MED12: variants seen among roughly 807,000 people sequenced by gnomAD.
The protein encoded by MED12 is mediator of RNA polymerase II transcription subunit 12.
In MED12, 10 loss-of-function variants were observed where a neutral mutation model predicts 177.7. The observed-to-expected ratio is 0.06, with a 90% CI of 0.03 to 0.10. MED12 has a LOEUF of 0.10. MED12 is among the 10% of genes least tolerant of loss of function. The pLI is 1.00. For missense variants in MED12, 867 were observed against 1,780.8 expected (o/e 0.49, Z 9.23); for synonymous variants, 641 against 678.4 (o/e 0.94, Z 0.86).
intron 19 of MED12, 149 bp from the exon 20 acceptor site, chrX:71,126,820 T>A (rs1262837681): frequency 5.4e-6 from 3 of 559,446 alleles, no homozygotes; most frequent in Non-Finnish European, 9.2e-6. Flanking sequence ...GTTGATAGAC[T>A]GTGGCATAGG....
intron 17 of MED12, 150 bp downstream of exon 17, chrX:71,125,863 C>T: frequency 1.6e-6 from 1 of 613,449 alleles, no homozygotes. Flanking sequence ...ATTCCTCCCC[C>T]ATCCCTTCCT....
intron 33 of MED12, 48 bp downstream of exon 33, chrX:71,133,260 T>A (rs368744574): frequency 2.2e-5 from 20 of 910,185 alleles, no homozygotes; most frequent in Non-Finnish European, 3.0e-5. Flanking sequence ...GGGCTGGAAA[T>A]GCGGAGTGCA....
intron 33 of MED12, among the ~76,000 whole-genome samples, 169 bp from the exon 34 acceptor site, chrX:71,134,188 G>A (rs768510599): frequency 2.8e-4 from 27 of 97,713 alleles, no homozygotes; most frequent in African/African-American, 8.9e-4. Context: ...CCGAGGTCGC[G>A]CCACTGCACT....
chrX:71,129,974 T>C (rs866584169), intron 27 of MED12, 61 bp from the exon 28 acceptor site: 4 of 1,168,359 alleles, frequency 3.4e-6, no homozygotes, highest in Non-Finnish European at 4.6e-6. Context: ...CTCCAGCCCA[T>C]CCCCCATATT....
intron 19 of MED12, among the ~76,000 whole-genome samples, 179 bp downstream of exon 19, chrX:71,126,663 G>A (rs1019437690): frequency 1.8e-5 from 2 of 112,171 alleles, no homozygotes; most frequent in African/African-American, 6.5e-5. Flanking sequence ...AGACTTAAGT[G>A]CTCCCTGGGG....
At chrX:71,127,644 T>C (rs2092306596) in intron 21 of MED12, 177 bp downstream of exon 21, 1 of 492,696 alleles carries the variant, frequency 2.0e-6, no homozygotes, top group African/African-American at 2.4e-5. Flanking sequence ...CTCAGCAGGC[T>C]TGCTCCCCGC....
chrX:71,132,561 C>T (rs1026205005), intron 31 of MED12, 23 bp downstream of exon 31: 1 of 1,164,736 alleles, frequency 8.6e-7, no homozygotes, highest in African/African-American at 1.8e-5. Flanking sequence ...AGGGAGTGGA[C>T]CAAGATTGAG....
chrX:71,140,814 A>G lies in MED12; in HGVS notation c.6224A>G (p.Gln2075Arg), dbSNP rs1304965332. 1 of 1,208,896 alleles carries G rather than the reference A, an allele frequency of 8.3e-7. No homozygotes were observed. The highest frequency in any genetic ancestry group is 1.8e-5 in the South Asian group (1 of 56,877). The change falls in exon 42 of 45, where the codon CAG (glutamine) becomes CGG (arginine). Residue 2075 changes from glutamine (Q) to arginine (R), a missense_variant. By Grantham distance (43) the Gln-to-Arg change is conservative. Transcript: ENST00000374080. Reference protein sequence around the residue: ...QQQQQQQQQQQQYHIRQQQQQ... With the variant: ...QQQQQQQQQQRQYHIRQQQQQ... ...CAACAGCAACAGCAGCAGCAGCAGCAGCAGTACCACATCCGGCAGCAGCAG... is the reference window on the plus strand; with the variant it reads ...CAACAGCAACAGCAGCAGCAGCAGCGGCAGTACCACATCCGGCAGCAGCAG...
intron 43 of MED12, 81 bp from the exon 44 acceptor site, chrX:71,141,801 CA>C (rs371432455): frequency 3.9e-3 from 3,008 of 774,594 alleles, no homozygotes; most frequent in East Asian, 4.9e-3. Context: ...GACTCCATCT[CA>C]AAAAAAAAAA....
Position 71,129,383 on chromosome X carries a change from C to A in MED12, c.3645C>A (p.Ile1215=). The A allele has an allele frequency of 2.5e-6, 3 of 1,209,736 alleles. No individual in the cohort carries two copies. Among genetic ancestry groups the A allele is most frequent in the Non-Finnish European group, 3.4e-6 (3 of 893,723 alleles). ...RHLLAASQNR[I]VDGAVFAVLK... is the part of the protein sequence containing the mutation. ...TGCTGGCTGCCTCCCAGAACCGCAT[C>A]GTGGATGGAGCCGTGTTTGCTGTTC... is the stretch of plus-strand genomic sequence containing the variant. Residue 1215 remains isoleucine (I), a synonymous_variant, in exon 26 of 45, where the codon ATC becomes ATA. Coordinates refer to ENST00000374080, the MANE Select transcript of MED12 (RefSeq NM_005120.3).
rs779802833 is a variant in MED12, at chrX:71,125,251, G to A, written c.2227-100G>A. 8.4e-6 allele frequency: 10 copies of A among 1,194,980 alleles called. No individual in the cohort carries two copies. In the East Asian group the frequency reaches 3.0e-4, roughly 36 times the overall value. The stretch of plus-strand genomic sequence containing the variant: ...GTTCTGAGGATGTGGGTTGGGAAAG[G>A]GAAGGGCTTTAGCATGTGGATGCTG... On this transcript the variant is annotated intron_variant, in intron 15 of 44. Coordinates refer to ENST00000374080, the MANE Select transcript of MED12 (RefSeq NM_005120.3).
chrX:71,125,056 C>T lies in MED12; in HGVS notation c.2136C>T (p.Pro712=), dbSNP rs377207665. The change falls in exon 15 of 45, where the codon CCC becomes CCT. Residue 712 remains proline, a synonymous_variant. Coordinates refer to ENST00000374080, the MANE Select transcript of MED12 (RefSeq NM_005120.3). ...EKPDVEKEVK[P]PPKEKIEGTL... ...CAGATGTCGAGAAGGAGGTGAAGCC[C>T]CCACCCAAGGAGAAGATTGAAGGGA... is the stretch of plus-strand genomic sequence containing the variant. The T allele has an allele frequency of 2.2e-5, 26 of 1,208,512 alleles. No homozygotes were observed. Among genetic ancestry groups the T allele is most frequent in the Admixed American group, 1.1e-4 (5 of 45,544 alleles).
At position 71,136,664 on chromosome X, in the gene MED12, C is replaced by T. The variant is rs774394462; in HGVS notation, c.5400+9C>T. 3.3e-6 allele frequency: 4 copies of T among 1,205,046 alleles called. No homozygotes were observed. The Admixed American group carries it at 8.8e-5, about 26-fold the overall frequency. ...CAGCTACCAAGACAGAGGTGAGCGC[C>T]TCCCCCGTGACAGTTCTCCCACAGC... On this transcript the variant is annotated intron_variant, in intron 37 of 44. Transcript: ENST00000374080.
intron 20 of MED12, 68 bp downstream of exon 20, chrX:71,127,200 G>A: frequency 8.7e-7 from 1 of 1,153,799 alleles, no homozygotes; most frequent in South Asian, 1.9e-5. Flanking sequence ...CCTGGGAAGA[G>A]CATGCACTTC....
chrX:71,136,221 G>A, intron 36 of MED12, 60 bp from the exon 37 acceptor site: 1 of 1,187,962 alleles, frequency 8.4e-7, no homozygotes, highest in Non-Finnish European at 1.1e-6. Flanking sequence ...TCCTACAAAT[G>A]CTTGCAGTCT....
At chrX:71,139,990 G>A (rs1308734929) in intron 41 of MED12, among the ~76,000 whole-genome samples, 1 of 111,144 alleles carries the variant, frequency 9.0e-6, no homozygotes, top group Non-Finnish European at 1.9e-5. Context: ...ATGTTATTTG[G>A]GAACAACAAC....
At position 71,136,488 on chromosome X, in the gene MED12, C is replaced by T. The variant is rs2092332834; in HGVS notation, c.5233C>T (p.Pro1745Ser). The T allele has an allele frequency of 8.3e-7, 1 of 1,205,199 alleles. No individual in the cohort carries two copies. The highest frequency in any genetic ancestry group is 1.1e-6 in the Non-Finnish European group (1 of 893,192). ...CTATTACCTGGAGCCACTGCCACTG[C>T]CCCCAGAAGATGAGGAGCCGCCTGC... ...RAYYLEPLPL[P>S]PEDEEPPAPT... Residue 1745 changes from proline to serine, a missense_variant, in exon 37 of 45, where the codon CCC becomes TCC. Physicochemically the swap from Pro to Ser is moderately conservative, Grantham distance 74. Around this residue, in one of 14 missense-constraint regions of MED12, gnomAD observed 36 missense variants for 141.5 expected, o/e 0.25. Transcript: ENST00000374080.
chrX:71,129,594 G>C, intron 26 of MED12, 86 bp from the exon 27 acceptor site: 2 of 1,115,034 alleles, frequency 1.8e-6, no homozygotes, highest in South Asian at 3.9e-5. Flanking sequence ...GATTTGGGGT[G>C]TTTCTACCTC....
rs1295791827 is a variant in MED12, at chrX:71,136,558, A to G, written c.5303A>G (p.Lys1768Arg). Residue 1768 changes from lysine (K) to arginine (R), a missense_variant, in exon 37 of 45, where the codon AAA becomes AGA. Physicochemically the swap from Lys to Arg is conservative, Grantham distance 26. This residue lies in a region of MED12 where 236 missense variants were observed against 345.2 expected (regional missense o/e 0.68). Transcript: ENST00000374080. ...EPEKKAPEPP[K>R]TDKPGAAPPS... ...GAGAAAAAGGCTCCAGAGCCCCCCA[A>G]AACTGACAAACCGGGGGCTGCTCCA... 13 of 1,197,964 alleles carry G rather than the reference A, an allele frequency of 1.1e-5. No homozygotes were observed. Among genetic ancestry groups the G allele is most frequent in the Non-Finnish European group, 1.5e-5 (13 of 888,988 alleles).
Sources: allele counts gnomAD v4.1 joint callset (sites outside exome capture counted in the v4.1 genomes callset), GRCh38; gene constraint gnomAD v4.1.1; regional missense constraint gnomAD v4.1.1; transcripts MANE v1.5; gene names NCBI Gene and HGNC (gene_info 2026-07-23, HGNC 2026-07-21).